IBA57: variants seen among roughly 807,000 people sequenced by gnomAD.
IBA57 encodes the protein iron-sulfur cluster assembly factor IBA57.
Under a neutral mutation model 20.4 loss-of-function variants are expected in IBA57, and 20 were observed. The observed-to-expected ratio is 0.98, with a 90% CI of 0.69 to 1.42. The LOEUF (loss-of-function observed/expected upper bound fraction) is 1.42, where lower values mean the gene tolerates loss of function less well. Among genes scored for constraint, IBA57 ranks in the 40% most tolerant of loss-of-function variants. The probability of loss-of-function intolerance (pLI) is 0.00; values close to 1 mark genes in which losing one functional copy is unlikely to be tolerated. For missense variants in IBA57, 608 were observed against 499.3 expected (o/e 1.22, Z -2.07); for synonymous variants, 310 against 233.9 (o/e 1.33, Z -2.97).
At chr1:228,169,831 C>G (rs935116331) in intron 1 of IBA57, among the ~76,000 whole-genome samples, 2 of 152,084 alleles carry the variant, frequency 1.3e-5, no homozygotes, top group Non-Finnish European at 2.9e-5. Flanking sequence ...TAGTGATATG[C>G]GTTTAGATTC....
At position 228,179,792 on chromosome 1, in the gene IBA57, A is replaced by G. The variant is rs977745681; in HGVS notation, c.*4279A>G. 1.3e-5 allele frequency: 2 copies of G among 152,228 alleles called. No homozygotes were observed. The highest frequency in any genetic ancestry group is 2.9e-5 in the Non-Finnish European group (2 of 68,036). The allele number at this position is 152,228 out of a possible 1,614,324, so 9.4% of individuals were successfully genotyped here. On this transcript the variant is annotated 3_prime_UTR_variant, in exon 3 of 3. Transcript: ENST00000366711. ...CAACAGTGGAAGCCAGAAAGATAGT[A>G]AATAATATCTTCAAAGTCCTGGGAG... is the stretch of plus-strand genomic sequence containing the variant.
In IBA57 at chr1:228,166,087, G is replaced by T. The variant is rs1178843581; in HGVS notation, c.271G>T (p.Ala91Ser). The change falls in exon 1 of 3, where the codon GCT becomes TCT. Residue 91 changes from alanine to serine, a missense_variant. Ala to Ser is a moderately conservative substitution (Grantham distance 99). Transcript: ENST00000366711. ...PSPAAAGAPPAARAGYAHFLN... is the reference protein window; with the variant it reads ...PSPAAAGAPPSARAGYAHFLN... ...TCCTGCGGCCGCGGGGGCCCCGCCT[G>T]CTGCGCGCGCGGGCTACGCCCACTT... 6.5e-7 allele frequency: 1 copy of T among 1,538,346 alleles called. No homozygotes were observed.
chr1:228,174,162 T>TGC (rs1558125691), intron 1 of IBA57, among the ~76,000 whole-genome samples: 11 of 132,338 alleles, frequency 8.3e-5, no homozygotes, highest in South Asian at 2.6e-4. Context: ...CGTGGCTCGC[T>TGC]GTGGGCGTGG....
At position 228,175,527 on chromosome 1, in the gene IBA57, C is replaced by G. The variant is rs1403165111; in HGVS notation, c.*14C>G. The G allele has an allele frequency of 6.5e-7, 1 of 1,538,562 alleles. No homozygotes were observed. The highest frequency in any genetic ancestry group is 1.4e-5 in the African/African-American group (1 of 72,894). ...GTCTCCAAGTAGTCCGAAGCCTTGG[C>G]TGGCGCAGGCTGATGGGGAGGCTGG... is the stretch of plus-strand genomic sequence containing the variant. On this transcript the variant is annotated 3_prime_UTR_variant, in exon 3 of 3. Coordinates refer to ENST00000366711, the MANE Select transcript of IBA57 (RefSeq NM_001010867.4).
intron 1 of IBA57, among the ~76,000 whole-genome samples, chr1:228,167,858 T>C (rs1447967670): frequency 6.6e-6 from 1 of 152,254 alleles, no homozygotes; most frequent in Non-Finnish European, 1.5e-5. Context: ...AATTTCTTCA[T>C]CTTAAGAACT....
chr1:228,177,295 C>G lies in IBA57; in HGVS notation c.*1782C>G, dbSNP rs955809067. On this transcript the variant is annotated 3_prime_UTR_variant, in exon 3 of 3. Transcript: ENST00000366711. ...CCTTGAGTGCTGCAGCATCTGGGAG[C>G]ATCCTAGCCTGTCCCGTGGGTGTGG... 2 of 152,076 alleles carry G rather than the reference C, an allele frequency of 1.3e-5. No individual in the cohort carries two copies. The highest frequency in any genetic ancestry group is 2.9e-5 in the Non-Finnish European group (2 of 68,016). 9.4% of individuals were successfully genotyped at this position (152,076 alleles called of 1,614,324 possible).
chr1:228,175,249 C>G lies in IBA57; in HGVS notation c.807C>G (p.Thr269=), dbSNP rs1280287425. The change falls in exon 3 of 3, where the codon ACC becomes ACG. Residue 269 remains threonine (T), a synonymous_variant. Coordinates refer to ENST00000366711, the MANE Select transcript of IBA57 (RefSeq NM_001010867.4). The part of the protein sequence containing the change: ...CYIGQELTAR[T]HHMGVIRKRL... The stretch of plus-strand genomic sequence containing the variant: ...TTGGCCAGGAGCTGACGGCCCGCAC[C>G]CACCACATGGGCGTCATCCGCAAGC... 1.2e-6 allele frequency: 2 copies of G among 1,612,890 alleles called. No individual in the cohort carries two copies. The highest frequency in any genetic ancestry group is 2.2e-5 in the South Asian group (2 of 91,090).
In IBA57 at chr1:228,175,810, G is replaced by A. The variant is rs887156616; in HGVS notation, c.*297G>A. On this transcript the variant is annotated 3_prime_UTR_variant, in exon 3 of 3. Transcript: ENST00000366711. Reference sequence around the variant, plus strand: ...CGTGGCTCCACACAGGGTTGTCTGGGAGGACGGGACGGTGTCTCTGGCCAG... The same window carrying A: ...CGTGGCTCCACACAGGGTTGTCTGGAAGGACGGGACGGTGTCTCTGGCCAG... 1.9e-5 allele frequency: 6 copies of A among 311,268 alleles called. No individual in the cohort carries two copies. The highest frequency in any genetic ancestry group is 1.1e-4 in the African/African-American group (5 of 46,372). 19.3% of individuals were successfully genotyped at this position (311,268 alleles called of 1,614,324 possible). A position where few individuals can be genotyped will look rare whatever the true frequency, so the allele number is the denominator to read the frequency against.
At chr1:228,168,241 C>T (rs1477331814) in intron 1 of IBA57, among the ~76,000 whole-genome samples, 1 of 152,136 alleles carries the variant, frequency 6.6e-6, no homozygotes, top group African/African-American at 2.4e-5. Flanking sequence ...ATTTCCTCTT[C>T]CTTAGGATTT....
intron 1 of IBA57, among the ~76,000 whole-genome samples, chr1:228,168,333 C>T (rs772231367): frequency 6.6e-6 from 1 of 152,162 alleles, no homozygotes; most frequent in African/African-American, 2.4e-5. Context: ...CACTTGACTG[C>T]GTATGTTATG....
In IBA57 at chr1:228,174,703, A is replaced by G; in HGVS notation, c.353A>G (p.His118Arg). ...CTCTCTCCCTGCAGGCTCCAGGAAC[A>G]CTCGGAGGTGTCTGGCTTCCTTCTG... is the stretch of plus-strand genomic sequence containing the variant. ...YDVILYGLQEHSEVSGFLLEC... is the reference protein window; with the variant it reads ...YDVILYGLQERSEVSGFLLEC... The change falls in exon 2 of 3, where the codon CAC becomes CGC. Residue 118 changes from histidine (H) to arginine (R), a missense_variant. Transcript: ENST00000366711. 6.4e-7 allele frequency: 1 copy of G among 1,569,390 alleles called. No individual in the cohort carries two copies.
At position 228,177,700 on chromosome 1, in the gene IBA57, G is replaced by C. The variant is rs867625675; in HGVS notation, c.*2187G>C. On this transcript the variant is annotated 3_prime_UTR_variant, in exon 3 of 3. Coordinates refer to ENST00000366711, the MANE Select transcript of IBA57 (RefSeq NM_001010867.4). ...GATGGGGTTTTACCATGTTGGCCAG[G>C]ATGGTCTCAATTACAGGCATGAGCC... The C allele has an allele frequency of 6.6e-6, 1 of 152,050 alleles. No homozygotes were observed. The highest frequency in any genetic ancestry group is 1.5e-5 in the Non-Finnish European group (1 of 68,042). The allele number at this position is 152,050 out of a possible 1,614,324, so 9.4% of individuals were successfully genotyped here.
In IBA57 at chr1:228,170,820, G is replaced by A. The variant is rs1029827290; in HGVS notation, c.342-3872G>A. The stretch of plus-strand genomic sequence containing the variant: ...AGCAGGAGAGACTTGTCAGGCCTCT[G>A]GTGGCCTGGGGAGGAGGGAGGAGAG... On this transcript the variant is annotated intron_variant, in intron 1 of 2. Coordinates refer to ENST00000366711, the MANE Select transcript of IBA57 (RefSeq NM_001010867.4). This position sits in a 1 kb window ranked among gnomAD's most constrained non-coding sequence, Gnocchi z 4.8. 2.6e-5 allele frequency among the ~76,000 whole-genome samples: 4 copies of A among 152,162 alleles called. No homozygotes were observed. The highest frequency in any genetic ancestry group is 7.2e-5 in the African/African-American group (3 of 41,434).
At chr1:228,173,409 C>CCCG (rs1470461427) in intron 1 of IBA57, 1 of 138,802 alleles carries the variant, frequency 7.2e-6, no homozygotes, top group Non-Finnish European at 1.6e-5. Context: ...GCCCCCCCCC[C>CCCG]CGACATGCCC....
chr1:228,177,223 C>T lies in IBA57; in HGVS notation c.*1710C>T, dbSNP rs148689013. 7 of 152,496 alleles carry T rather than the reference C, an allele frequency of 4.6e-5. No homozygotes were observed. The East Asian group carries it at 5.8e-4, about 13-fold the overall frequency. 9.4% of individuals were successfully genotyped at this position (152,496 alleles called of 1,614,324 possible). ...TCTGTGCCTCGAGCTCAAAGTGTCC[C>T]GGCTCTGTCATCTGCCTGAAGTTGC... On this transcript the variant is annotated 3_prime_UTR_variant, in exon 3 of 3. Transcript: ENST00000366711.
At chr1:228,169,970 G>A (rs1261570674) in intron 1 of IBA57, among the ~76,000 whole-genome samples, 2 of 152,010 alleles carry the variant, frequency 1.3e-5, no homozygotes, top group Non-Finnish European at 2.9e-5. Flanking sequence ...AGGTTCAAGC[G>A]ATTCTCCTGC....
At position 228,180,952 on chromosome 1, in the gene IBA57, T is replaced by A. The variant is rs2035100974; in HGVS notation, c.*5439T>A. The stretch of plus-strand genomic sequence containing the variant: ...GGGACCACAGGTGCATGCTAATTTT[T>A]AAAATTTTTTGTTTTTAAATGCTGG... On this transcript the variant is annotated 3_prime_UTR_variant, in exon 3 of 3. Coordinates refer to ENST00000366711, the MANE Select transcript of IBA57 (RefSeq NM_001010867.4). 1 of 151,994 alleles carries A rather than the reference T, an allele frequency of 6.6e-6. No homozygotes were observed. The highest frequency in any genetic ancestry group is 2.1e-4 in the South Asian group (1 of 4,798). The allele number at this position is 151,994 out of a possible 1,614,324, so 9.4% of individuals were successfully genotyped here.
rs758559106 is a variant in IBA57 at position 228,174,913 on chromosome 1, A to T, written c.563A>T (p.Asp188Val). 1 of 1,599,096 alleles carries T rather than the reference A, an allele frequency of 6.3e-7. No individual in the cohort carries two copies. The highest frequency in any genetic ancestry group is 8.5e-7 in the Non-Finnish European group (1 of 1,171,894). Residue 188 changes from aspartate (D) to valine (V), a missense_variant, in exon 2 of 3, where the codon GAC becomes GTC. By Grantham distance (152) the Asp-to-Val change is radical (BLOSUM62 -3). Transcript: ENST00000366711. ...GGGGCTGCCGCCATCCTCATCCGCGACCCGCGAACAGCACGCATGGGGTGG... is the reference window on the plus strand; with the variant it reads ...GGGGCTGCCGCCATCCTCATCCGCGTCCCGCGAACAGCACGCATGGGGTGG... ...RAGAAAILIR[D>V]PRTARMGWRL...
chr1:228,180,179 AAAAAAG>A lies in IBA57; in HGVS notation c.*4668_*4673del. ...TCAAAAAAAAAAAAAAAAAAAAAAA[AAAAAAG>A]AGGGCTAAACGCATTTTCATACCAC... On this transcript the variant is annotated 3_prime_UTR_variant, in exon 3 of 3. Transcript: ENST00000366711. 1 of 151,180 alleles carries A rather than the reference AAAAAAG, an allele frequency of 6.6e-6. No homozygotes were observed. The highest frequency in any genetic ancestry group is 2.4e-5 in the African/African-American group (1 of 41,010). 9.4% of individuals were successfully genotyped at this position (151,180 alleles called of 1,614,324 possible).
Sources: gnomAD v4.1 joint callset for allele counts (sites outside exome capture counted in the v4.1 genomes callset) on GRCh38, gnomAD v4.1.1 for gene constraint, Gnocchi (gnomAD v3.1) non-coding constraint, MANE v1.5 for transcripts, NCBI Gene and HGNC (gene_info 2026-07-23, HGNC 2026-07-21) for gene names.